The following BTG4 variants were observed in gnomAD, a reference collection of about 807,000 sequenced individuals.
The protein encoded by BTG4 is BTG anti-proliferation factor 4.
Under a neutral mutation model 19.3 loss-of-function variants are expected in BTG4, and 10 were observed. That is an observed-to-expected ratio of 0.52 (90% CI 0.32 to 0.88). The LOEUF is 0.88. Among genes scored for constraint, BTG4 ranks in the 40% least tolerant of loss-of-function variants. BTG4 has a pLI of 0.04. For missense variants in BTG4, 238 were observed against 281.9 expected (o/e 0.84, Z 1.11); for synonymous variants, 91 against 95.7 (o/e 0.95, Z 0.29).
chr11:111,513,276 G>C (rs1309343853), upstream of BTG4, among the ~76,000 whole-genome samples: 1 of 152,250 alleles, frequency 6.6e-6, no homozygotes, highest in Non-Finnish European at 1.5e-5. Flanking sequence ...CTCCATCCAT[G>C]TAACGGTTAA....
the BTG4 span, among the ~76,000 whole-genome samples, chr11:111,435,951 C>T: frequency 6.6e-6 from 1 of 152,310 alleles, no homozygotes; most frequent in East Asian, 1.9e-4. Context: ...GAGGACCTCC[C>T]CCGCAGAAGA....
intron 1 of BTG4, among the ~76,000 whole-genome samples, chr11:111,511,095 T>C (rs1866869539): frequency 6.6e-6 from 1 of 152,276 alleles, no homozygotes; most frequent in South Asian, 2.1e-4. Context: ...GTCATTTATG[T>C]AATGTGTGCT....
chr11:111,452,804 T>A, the BTG4 span, among the ~76,000 whole-genome samples: 2 of 152,216 alleles, frequency 1.3e-5, no homozygotes, highest in African/African-American at 2.4e-5. Flanking sequence ...AGGAGTTGAC[T>A]GTTCTCCCTG....
chr11:111,442,709 GA>G, the BTG4 span, among the ~76,000 whole-genome samples: 140,363 of 149,248 alleles, frequency 0.94, 66,536 homozygotes, highest in Non-Finnish European at 1. Flanking sequence ...GAAAGACAGG[GA>G]AAAAAAAAAA....
At chr11:111,429,459 C>T in the BTG4 span, among the ~76,000 whole-genome samples, 1 of 152,288 alleles carries the variant, frequency 6.6e-6, no homozygotes, top group Admixed American at 6.5e-5. Context: ...ATGAGACAGA[C>T]ATTTGTACCT....
At chr11:111,513,297 T>C, upstream of BTG4, 3 of 467,978 alleles carry the variant, frequency 6.4e-6, no homozygotes, top group Admixed American at 7.0e-5. Context: ...TACTGTATGC[T>C]GTGATTCACT....
the BTG4 span, among the ~76,000 whole-genome samples, chr11:111,413,282 G>A: frequency 1.3e-5 from 2 of 152,196 alleles, no homozygotes; most frequent in East Asian, 1.9e-4. Flanking sequence ...CCTTGAACCA[G>A]CTCAGGAACT....
At chr11:111,417,006 T>C in the BTG4 span, 1 of 152,230 alleles carries the variant, frequency 6.6e-6, no homozygotes, top group Non-Finnish European at 1.5e-5. Context: ...TAAGGTTGTC[T>C]GTGTACATCC....
intron 5 of BTG4, among the ~76,000 whole-genome samples, chr11:111,484,102 C>A (rs1459000355): frequency 6.6e-6 from 1 of 151,940 alleles, no homozygotes; most frequent in Non-Finnish European, 1.5e-5. Context: ...GAAAGTCTAA[C>A]CTAGAATATC....
the BTG4 span, among the ~76,000 whole-genome samples, chr11:111,446,624 A>ACAC: frequency 6.8e-6 from 1 of 146,844 alleles, no homozygotes. Context: ...GACACCAATA[A>ACAC]ACACACACAC....
chr11:111,420,823 T>C, the BTG4 span, among the ~76,000 whole-genome samples: 1 of 152,202 alleles, frequency 6.6e-6, no homozygotes, highest in Admixed American at 6.5e-5. Context: ...CTTACCCTCA[T>C]GAAGCTTACA....
chr11:111,452,635 T>A, the BTG4 span: 15,162 of 152,282 alleles, frequency 0.1, 930 homozygotes, highest in Admixed American at 0.16. Flanking sequence ...CAATCCCCTA[T>A]AAGTGGGTCT....
At chr11:111,455,766 C>A in the BTG4 span, 1 of 448,724 alleles carries the variant, frequency 2.2e-6, no homozygotes, top group Non-Finnish European at 4.5e-6. Context: ...GGGCAGTTCC[C>A]CAGCTGGACA....
At chr11:111,502,565 A>T (rs1370535180) in intron 1 of BTG4, among the ~76,000 whole-genome samples, 1 of 152,222 alleles carries the variant, frequency 6.6e-6, no homozygotes, top group Non-Finnish European at 1.5e-5. Flanking sequence ...CAAAGCTGAA[A>T]ATTAGGGTAA....
the BTG4 span, among the ~76,000 whole-genome samples, chr11:111,407,951 G>A: frequency 1.5e-4 from 23 of 152,318 alleles, no homozygotes; most frequent in East Asian, 3.7e-3. Flanking sequence ...GGAAAAGTGT[G>A]GAGTGTCAGG....
the BTG4 span, among the ~76,000 whole-genome samples, chr11:111,445,201 A>C: frequency 1.5e-4 from 23 of 152,140 alleles, no homozygotes; most frequent in Admixed American, 1.5e-3. Context: ...GAAAATCCCA[A>C]ACCTCTCTGA....
At chr11:111,469,355 C>T (rs911696313) in intron 5 of BTG4, 1 of 152,258 alleles carries the variant, frequency 6.6e-6, no homozygotes, top group African/African-American at 2.4e-5. Flanking sequence ...GTATTTATAA[C>T]ATGTACAGGG....
chr11:111,388,946 T>C, the BTG4 span, among the ~76,000 whole-genome samples: 3 of 152,210 alleles, frequency 2.0e-5, no homozygotes, highest in Non-Finnish European at 4.4e-5. Context: ...TTCCTCTTCC[T>C]GAAACTTTAA....
chr11:111,418,961 C>T, the BTG4 span, among the ~76,000 whole-genome samples: 1 of 152,346 alleles, frequency 6.6e-6, no homozygotes, highest in East Asian at 1.9e-4. Context: ...GGGGTTGTTT[C>T]TTCTGGGAGC....
Sources: allele counts gnomAD v4.1 joint callset (sites outside exome capture counted in the v4.1 genomes callset), GRCh38; gene constraint gnomAD v4.1.1; transcripts MANE v1.5; gene names NCBI Gene and HGNC (gene_info 2026-07-23, HGNC 2026-07-21).